Variants in NKAIN3 observed in about 807,000 individuals in gnomAD.
NKAIN3 encodes sodium/potassium transporting ATPase interacting 3.
NKAIN3 carries 25 observed loss-of-function variants against 30.2 expected under a neutral mutation model. The observed-to-expected ratio is 0.83, with a 90% confidence interval of 0.60 to 1.16. The LOEUF (loss-of-function observed/expected upper bound fraction) is 1.16. NKAIN3 is among the 50% of genes most tolerant of loss of function. NKAIN3 has a pLI of 0.00. For synonymous variants in NKAIN3, 91 were observed against 89.6 expected (o/e 1.02, Z -0.09); for missense variants, 225 against 254.1 (o/e 0.89, Z 0.78).
chr8:62,503,482 G>A (rs1034617242), intron 1 of NKAIN3, among the ~76,000 whole-genome samples: 6 of 152,158 alleles, frequency 3.9e-5, no homozygotes, highest in Non-Finnish European at 7.4e-5. Flanking sequence ...GGGTTCGAGA[G>A]CAGAGAACTG....
intron 3 of NKAIN3, among the ~76,000 whole-genome samples, chr8:62,656,694 G>A (rs889574160): frequency 2.6e-5 from 4 of 152,118 alleles, no homozygotes; most frequent in African/African-American, 9.7e-5. Context: ...GTTGGTTACT[G>A]TAAAATGTCT....
intron 1 of NKAIN3, among the ~76,000 whole-genome samples, chr8:62,346,770 A>G (rs1585707816): frequency 2.0e-5 from 3 of 152,220 alleles, no homozygotes; most frequent in South Asian, 4.1e-4. Flanking sequence ...GTTACTGCAA[A>G]CTATAAGAGT....
chr8:62,806,259 A>T (rs1818276679), intron 4 of NKAIN3, among the ~76,000 whole-genome samples: 1 of 152,180 alleles, frequency 6.6e-6, no homozygotes, highest in African/African-American at 2.4e-5. Flanking sequence ...TTCCTCAGGG[A>T]TCTAGAACTA....
At chr8:62,354,797 C>G (rs1457685438) in intron 1 of NKAIN3, among the ~76,000 whole-genome samples, 1 of 152,078 alleles carries the variant, frequency 6.6e-6, no homozygotes, top group Non-Finnish European at 1.5e-5. Flanking sequence ...TCTGTATATC[C>G]AATCCTTAAG....
At chr8:62,914,183 A>G (rs1022214376) in intron 4 of NKAIN3, among the ~76,000 whole-genome samples, 1 of 152,218 alleles carries the variant, frequency 6.6e-6, no homozygotes, top group African/African-American at 2.4e-5. Flanking sequence ...ACGAAATCGT[A>G]TCTTTTGTGG....
At chr8:62,335,342 C>T (rs1474409831) in intron 1 of NKAIN3, among the ~76,000 whole-genome samples, 1 of 148,956 alleles carries the variant, frequency 6.7e-6, no homozygotes, top group Non-Finnish European at 1.5e-5. Flanking sequence ...GAGAGAACTG[C>T]TTGAACTCGG....
rs556679179 is a variant in NKAIN3, at chr8:62,432,693, A to G, written c.55-146846A>G. On this transcript the variant is annotated intron_variant, in intron 1 of 6. Coordinates refer to ENST00000623646, the MANE Select transcript of NKAIN3 (RefSeq NM_001304533.3). ...CCCCTTAGCCTGGATCATGGAAATT[A>G]AATTTTGAATGTAGATTTCATATTT... 4.6e-5 allele frequency among the ~76,000 whole-genome samples: 7 copies of G among 152,220 alleles called. No individual in the cohort carries two copies. The East Asian group carries it at 9.7e-4, about 21-fold the overall frequency.
At position 62,978,566 on chromosome 8, in the gene NKAIN3, C is replaced by CA. The variant is rs1823998997; in HGVS notation, c.*13161dup. 1 of 152,276 alleles carries CA rather than the reference C, an allele frequency of 6.6e-6. No individual in the cohort carries two copies. The highest frequency in any genetic ancestry group is 2.1e-4 in the South Asian group (1 of 4,824). The allele number at this position is 152,276 out of a possible 1,614,324, so 9.4% of individuals were successfully genotyped here. ...TCAGTAATGGCAGATACCTCTCCCC[C>CA]AACCAAGCTTGAGCATCCCAGGTCT... On this transcript the variant is annotated 3_prime_UTR_variant, in exon 7 of 7. Coordinates refer to ENST00000623646, the MANE Select transcript of NKAIN3 (RefSeq NM_001304533.3).
At chr8:62,718,567 A>T (rs1814981509) in intron 3 of NKAIN3, among the ~76,000 whole-genome samples, 1 of 152,178 alleles carries the variant, frequency 6.6e-6, no homozygotes, top group Non-Finnish European at 1.5e-5. Flanking sequence ...TGTTCTTTTT[A>T]ACACATCATT....
In NKAIN3 at chr8:62,746,912, T is replaced by C; in HGVS notation, c.274-20T>C. 6.4e-7 allele frequency: 1 copy of C among 1,571,502 alleles called. No homozygotes were observed. Among genetic ancestry groups the C allele is most frequent in the African/African-American group, 1.3e-5 (1 of 74,470 alleles). On this transcript the variant is annotated intron_variant, in intron 3 of 6. Coordinates refer to ENST00000623646, the MANE Select transcript of NKAIN3 (RefSeq NM_001304533.3). Reference sequence around the variant, plus strand: ...TAATACAATTTCCTCATTTTGCTCTTTTGTCTCCTACCCACCTAGGACACC... The same window carrying C: ...TAATACAATTTCCTCATTTTGCTCTCTTGTCTCCTACCCACCTAGGACACC...
rs1354729777 is a variant in NKAIN3, at chr8:62,614,864, A to G, written c.273+25070A>G. ...CCAAGGTCTCTTAAATCAGCTTGTCATGAATGCTTCCTGGACTCACCCTTC... is the reference window on the plus strand; with the variant it reads ...CCAAGGTCTCTTAAATCAGCTTGTCGTGAATGCTTCCTGGACTCACCCTTC... On this transcript the variant is annotated intron_variant, in intron 3 of 6. Coordinates refer to ENST00000623646, the MANE Select transcript of NKAIN3 (RefSeq NM_001304533.3). Among the ~76,000 whole-genome samples the G allele has an allele frequency of 3.9e-5, 6 of 152,044 alleles. No homozygotes were observed. The East Asian group carries it at 1.2e-3, about 30-fold the overall frequency.
intron 3 of NKAIN3, among the ~76,000 whole-genome samples, chr8:62,728,622 G>A (rs1003626697): frequency 7.9e-5 from 12 of 152,024 alleles, no homozygotes; most frequent in Admixed American, 3.9e-4. Context: ...CGGAGATCGC[G>A]CCATTGCACT....
At chr8:62,941,925 A>G (rs1822966361) in intron 5 of NKAIN3, among the ~76,000 whole-genome samples, 1 of 152,132 alleles carries the variant, frequency 6.6e-6, no homozygotes, top group Non-Finnish European at 1.5e-5. Context: ...CAATCAGACA[A>G]GAGAAAGAAA....
intron 6 of NKAIN3, among the ~76,000 whole-genome samples, chr8:62,956,640 T>A (rs1823426300): frequency 1.3e-5 from 2 of 152,182 alleles, no homozygotes. Context: ...TTTTGTTTCT[T>A]TCTTTTTAAA....
rs1822175199 is a variant in NKAIN3 at position 62,918,479 on chromosome 8, T to C, written c.498T>C (p.Tyr166=). ...LSLVGFVYAC[Y]VISISMEEED... Reference sequence around the variant, plus strand: ...TGGTGGGTTTTGTGTATGCCTGTTATGTGATCAGTATTTCCATGGAAGAAG... The same window carrying C: ...TGGTGGGTTTTGTGTATGCCTGTTACGTGATCAGTATTTCCATGGAAGAAG... The change falls in exon 5 of 7, where the codon TAT becomes TAC. Residue 166 remains tyrosine (Y), a synonymous_variant. Transcript: ENST00000623646. The C allele has an allele frequency of 3.7e-6, 6 of 1,613,262 alleles. No homozygotes were observed. In the South Asian group the frequency reaches 4.4e-5, roughly 12 times the overall value.
intron 1 of NKAIN3, among the ~76,000 whole-genome samples, chr8:62,315,204 A>G (rs1486030237): frequency 6.6e-6 from 1 of 152,200 alleles, no homozygotes; most frequent in Admixed American, 6.6e-5. Context: ...AGCGACTACA[A>G]AGGAAAATCT....
chr8:62,619,888 C>T (rs1298425954), intron 3 of NKAIN3, among the ~76,000 whole-genome samples: 2 of 152,082 alleles, frequency 1.3e-5, no homozygotes, highest in African/African-American at 4.8e-5. Context: ...CGAGCACTAT[C>T]CTTGAACAGA....
intron 4 of NKAIN3, among the ~76,000 whole-genome samples, chr8:62,752,195 T>A (rs957566877): frequency 1.3e-5 from 2 of 152,152 alleles, no homozygotes; most frequent in Non-Finnish European, 2.9e-5. Context: ...ATCTGGGAAG[T>A]TAAGAGAATG....
rs1341598585 is a variant in NKAIN3 at position 62,757,736 on chromosome 8, CAG to C, written c.471+10610_471+10611del. Among the ~76,000 whole-genome samples, 20 of 152,252 alleles carry C rather than the reference CAG, an allele frequency of 1.3e-4. No individual in the cohort carries two copies. In the South Asian group the frequency reaches 3.9e-3, roughly 30 times the overall value. ...TAGCAAATAAATAAAAATAAGAAGTCAGAGGAATAATGAGTGCAGTGCCCTTT... is the reference window on the plus strand; with the variant it reads ...TAGCAAATAAATAAAAATAAGAAGTCAGGAATAATGAGTGCAGTGCCCTTT... On this transcript the variant is annotated intron_variant, in intron 4 of 6. Transcript: ENST00000623646.
Sources: allele counts gnomAD v4.1 joint callset (sites outside exome capture counted in the v4.1 genomes callset), GRCh38; gene constraint gnomAD v4.1.1; transcripts MANE v1.5; gene names NCBI Gene and HGNC (gene_info 2026-07-23, HGNC 2026-07-21).